The following MPDZ variants were observed in gnomAD, a reference collection of about 807,000 sequenced individuals.
MPDZ encodes the protein multiple PDZ domain crumbs cell polarity complex component.
In MPDZ, 234 loss-of-function variants were observed where a neutral mutation model predicts 239.1. The observed-to-expected ratio is 0.98, with a 90% CI of 0.88 to 1.09. The LOEUF (loss-of-function observed/expected upper bound fraction) is 1.09. Ranked by LOEUF, MPDZ falls within the 50% of genes least tolerant of loss-of-function variation. MPDZ has a pLI of 0.00. For missense variants in MPDZ, 3,175 were observed against 2,510.0 expected, an observed-to-expected ratio of 1.26 and a Z score of -5.66; for synonymous variants, 1,048 against 881.3, an observed-to-expected ratio of 1.19 and a Z score of -3.35.
intron 1 of MPDZ, among the ~76,000 whole-genome samples, chr9:13,264,502 G>C (rs959043868): frequency 6.6e-6 from 1 of 152,170 alleles, no homozygotes; most frequent in Non-Finnish European, 1.5e-5. Flanking sequence ...TAACAAATCA[G>C]TGGTGTGTCT....
At chr9:13,198,784 T>TGTGTGTGTGTGTGTGTGTGTGTGTGTG (rs1491106957) in intron 12 of MPDZ, among the ~76,000 whole-genome samples, 54 of 149,176 alleles carry the variant, frequency 3.6e-4, no homozygotes, top group Non-Finnish European at 6.3e-4. Context: ...TGTGTGTGTG[T>TGTGTGTGTGTGTGTGTGTGTGTGTGTG]TTTAGGACAG....
At chr9:13,181,466 G>C (rs1953318029) in intron 19 of MPDZ, among the ~76,000 whole-genome samples, 2 of 152,226 alleles carry the variant, frequency 1.3e-5, no homozygotes, top group African/African-American at 4.8e-5. Context: ...ATGTTGCAGA[G>C]ATTTTACCAC....
At position 13,110,787 on chromosome 9, in the gene MPDZ, G is replaced by C. The variant is rs1310072183; in HGVS notation, c.5725-47C>G. On this transcript the variant is annotated intron_variant, in intron 43 of 46. Transcript: ENST00000319217. ...AGCCATCTGCTAAAGCAGCCATGGA[G>C]AGTGGGTCTTTGAGACCTAAGTATT... 2.1e-6 allele frequency: 3 copies of C among 1,432,614 alleles called. No individual in the cohort carries two copies. The African/African-American group carries it at 4.2e-5, about 20-fold the overall frequency. The allele number at this position is 1,432,614 out of a possible 1,614,324, so 88.7% of individuals were successfully genotyped here.
At chr9:13,117,844 T>C (rs1177256714) in intron 39 of MPDZ, among the ~76,000 whole-genome samples, 1 of 128,084 alleles carries the variant, frequency 7.8e-6, no homozygotes, top group African/African-American at 3.2e-5. Context: ...TCAGATTAGC[T>C]TTTTTTTTTT....
rs753075068 is a variant in MPDZ, at chr9:13,107,053, C to T, written c.6125G>A (p.Gly2042Glu). ...ATGGGTGACTCCTTCTAGACTCTGC[C>T]CATTGACAGCAATGATCTGATCGCC... ...KRGDQIIAVN[G>E]QSLEGVTHEE... Residue 2042 changes from glycine (G) to glutamate (E), a missense_variant, in exon 47 of 47, where the codon GGG (glycine) becomes GAG (glutamate). Transcript: ENST00000319217. 2 of 1,608,600 alleles carry T rather than the reference C, an allele frequency of 1.2e-6. No homozygotes were observed. The highest frequency in any genetic ancestry group is 2.2e-5 in the East Asian group (1 of 44,828).
intron 3 of MPDZ, among the ~76,000 whole-genome samples, chr9:13,243,149 CTTT>C (rs1965809053): frequency 6.6e-6 from 1 of 152,140 alleles, no homozygotes; most frequent in South Asian, 2.1e-4. Flanking sequence ...TATTCACCTT[CTTT>C]GTTTTCTTTC....
At chr9:13,167,857 T>C (rs1160177742) in intron 22 of MPDZ, among the ~76,000 whole-genome samples, 2 of 152,104 alleles carry the variant, frequency 1.3e-5, no homozygotes, top group African/African-American at 2.4e-5. Context: ...AAACAGACCA[T>C]ATCAACATAT....
At chr9:13,161,376 C>T (rs10756458) in intron 23 of MPDZ, among the ~76,000 whole-genome samples, 63,638 of 151,310 alleles carry the variant, frequency 0.42, 15,509 homozygotes, top group African/African-American at 0.68. Flanking sequence ...TCAAGACCAG[C>T]CTGGCCAACA....
intron 46 of MPDZ, 65 bp downstream of exon 46, chr9:13,108,871 C>T (rs1420446111): frequency 6.5e-7 from 1 of 1,533,500 alleles, no homozygotes; most frequent in Non-Finnish European, 8.8e-7. Context: ...ACTAATAAGC[C>T]AGCTGCTGAC....
intron 10 of MPDZ, among the ~76,000 whole-genome samples, chr9:13,212,907 A>C (rs890012806): frequency 6.6e-6 from 1 of 151,980 alleles, no homozygotes; most frequent in African/African-American, 2.4e-5. Context: ...ACAACTTACA[A>C]AATCTGGCCC....
intron 1 of MPDZ, among the ~76,000 whole-genome samples, chr9:13,267,747 GA>G (rs1972084852): frequency 6.6e-6 from 1 of 152,178 alleles, no homozygotes; most frequent in South Asian, 2.1e-4. Flanking sequence ...CTGAAAGGGA[GA>G]AGGGATGGAA....
At chr9:13,118,389 G>A (rs1426968972) in intron 39 of MPDZ, among the ~76,000 whole-genome samples, 1 of 152,130 alleles carries the variant, frequency 6.6e-6, no homozygotes, top group Non-Finnish European at 1.5e-5. Context: ...ACATTCATAT[G>A]CCAGATCTTA....
Position 13,203,771 on chromosome 9 carries a change from C to T in MPDZ, c.1546+1265G>A, listed in dbSNP as rs112943402. Among the ~76,000 whole-genome samples, 4 of 114,306 alleles carry T rather than the reference C, an allele frequency of 3.5e-5. No individual in the cohort carries two copies. In the Admixed American group the frequency reaches 3.6e-4, roughly 10 times the overall value. 75.0% of individuals were successfully genotyped at this position (114,306 alleles called of 152,430 possible). ...ACACACACACACACACACACACACA[C>T]ACAGAGAGAGAAAGAGAGAGAGAGA... is the stretch of plus-strand genomic sequence containing the variant. On this transcript the variant is annotated intron_variant, in intron 12 of 46. Transcript: ENST00000319217.
intron 32 of MPDZ, among the ~76,000 whole-genome samples, chr9:13,129,085 C>T (rs1436219900): frequency 6.6e-6 from 1 of 152,168 alleles, no homozygotes; most frequent in Non-Finnish European, 1.5e-5. Context: ...AGCTACAAAT[C>T]TGCATGTATA....
chr9:13,235,698 T>C (rs1050357170), intron 3 of MPDZ, among the ~76,000 whole-genome samples: 1 of 152,168 alleles, frequency 6.6e-6, no homozygotes, highest in Non-Finnish European at 1.5e-5. Flanking sequence ...AACCCAAGAA[T>C]GCTGATGGAG....
At chr9:13,168,063 T>C (rs1046071588) in intron 22 of MPDZ, among the ~76,000 whole-genome samples, 1 of 152,114 alleles carries the variant, frequency 6.6e-6, no homozygotes, top group African/African-American at 2.4e-5. Context: ...ATCCTAAAAG[T>C]GGGCCCTCTT....
rs1490293284 is a variant in MPDZ, at chr9:13,106,815, C to T, written c.*150G>A. The T allele has an allele frequency of 1.3e-6, 1 of 794,876 alleles. No individual in the cohort carries two copies. The highest frequency in any genetic ancestry group is 1.9e-6 in the Non-Finnish European group (1 of 522,330). 49.2% of individuals were successfully genotyped at this position (794,876 alleles called of 1,614,324 possible). A position where few individuals can be genotyped will look rare whatever the true frequency, so the allele number is the denominator to read the frequency against. On this transcript the variant is annotated 3_prime_UTR_variant, in exon 47 of 47. Coordinates refer to ENST00000319217, the MANE Select transcript of MPDZ (RefSeq NM_001378778.1). The stretch of plus-strand genomic sequence containing the variant: ...TAGGTTGTCAGTAAGGAAAGCATTT[C>T]TAGATGAGAAAAAGAAACTTAAGTG...
At chr9:13,205,836 A>G in intron 11 of MPDZ, 80 bp downstream of exon 11, 1 of 1,272,350 alleles carries the variant, frequency 7.9e-7, no homozygotes, top group Non-Finnish European at 1.1e-6. Flanking sequence ...CCATTCTGAA[A>G]TAGTAAGTTA....
intron 8 of MPDZ, 58 bp from the exon 9 acceptor site, chr9:13,217,352 AAAAC>A (rs530637484): frequency 1.0e-4 from 111 of 1,110,456 alleles, no homozygotes; most frequent in East Asian, 2.4e-4. Flanking sequence ...CAAAAAACAA[AAAAC>A]AAACAAACAA....
Sources: allele counts gnomAD v4.1 joint callset (sites outside exome capture counted in the v4.1 genomes callset), GRCh38; gene constraint gnomAD v4.1.1; transcripts MANE v1.5; gene names NCBI Gene and HGNC (gene_info 2026-07-23, HGNC 2026-07-21).